UBAP2L: variants seen among roughly 807,000 people sequenced by gnomAD.
UBAP2L encodes ubiquitin associated protein 2 like, also known as ubiquitin-associated protein 2-like.
A neutral mutation model predicts 130.6 loss-of-function variants in UBAP2L; 12 were observed. The observed-to-expected ratio is 0.09, with a 90% CI of 0.06 to 0.15. The LOEUF is 0.15. Ranked by LOEUF, UBAP2L falls within the 10% of genes least tolerant of loss-of-function variation. The pLI is 1.00. For missense variants in UBAP2L, 965 were observed against 1,332.5 expected, an observed-to-expected ratio of 0.72 and a Z score of 4.29; for synonymous variants, 503 against 524.7, an observed-to-expected ratio of 0.96 and a Z score of 0.57.
At chr1:154,253,383 A>ATTTTT (rs1173992099) in intron 14 of UBAP2L, among the ~76,000 whole-genome samples, 1 of 123,778 alleles carries the variant, frequency 8.1e-6, no homozygotes, top group Non-Finnish European at 1.7e-5. Context: ...TGTTTTTAAG[A>ATTTTT]TTTTTTTTTT....
At chr1:154,223,113 A>T (rs978411279) in intron 1 of UBAP2L, among the ~76,000 whole-genome samples, 1 of 90,950 alleles carries the variant, frequency 1.1e-5, no homozygotes, top group Non-Finnish European at 2.0e-5. Context: ...TGTTGTCACT[A>T]CTAGGTGGTA....
intron 26 of UBAP2L, chr1:154,269,729 G>T: frequency 3.4e-6 from 1 of 293,762 alleles, no homozygotes; most frequent in Non-Finnish European, 6.7e-6. Flanking sequence ...GATGTGATGT[G>T]TGGTAGGGGT....
Position 154,257,188 on chromosome 1 carries a change from C to G in UBAP2L, c.2283C>G (p.Ser761Arg). Residue 761 changes from serine (S) to arginine (R), a missense_variant, in exon 19 of 27, where the codon AGC (serine) becomes AGG (arginine). Physicochemically the swap from Ser to Arg is moderately radical, Grantham distance 110. Transcript: ENST00000428931. ...SVSSSLNSGS[S>R]LGLSLGSNST... Reference sequence around the variant, plus strand: ...CCTCCAGTCTCAATAGTGGCAGTAGCCTGGGCCTCAGCCTAGGCAGCAACT... The same window carrying G: ...CCTCCAGTCTCAATAGTGGCAGTAGGCTGGGCCTCAGCCTAGGCAGCAACT... 6.2e-7 allele frequency: 1 copy of G among 1,614,218 alleles called. No homozygotes were observed. The highest frequency in any genetic ancestry group is 2.2e-5 in the East Asian group (1 of 44,884).
intron 2 of UBAP2L, among the ~76,000 whole-genome samples, chr1:154,226,743 C>G (rs564009643): frequency 6.6e-6 from 1 of 152,284 alleles, no homozygotes; most frequent in African/African-American, 2.4e-5. Flanking sequence ...GACGGAAGTC[C>G]CTTTAACTGT....
intron 1 of UBAP2L, among the ~76,000 whole-genome samples, chr1:154,223,765 C>T (rs57011078): frequency 0.043 from 6,505 of 152,226 alleles, 505 homozygotes; most frequent in African/African-American, 0.15. Context: ...CAGAAAAAGT[C>T]AGCTTTCTCT....
intron 26 of UBAP2L, 63 bp from the exon 27 acceptor site, chr1:154,270,137 T>C (rs536472338): frequency 6.6e-7 from 1 of 1,512,090 alleles, no homozygotes; most frequent in South Asian, 1.4e-5. Flanking sequence ...CTGAAGATGT[T>C]ACAAATTTGT....
chr1:154,234,165 C>A (rs539126786), intron 4 of UBAP2L, among the ~76,000 whole-genome samples: 3 of 152,026 alleles, frequency 2.0e-5, no homozygotes, highest in Admixed American at 6.6e-5. Flanking sequence ...GTTTGAGAGA[C>A]CAGCCTGGCC....
intron 8 of UBAP2L, among the ~76,000 whole-genome samples, chr1:154,240,336 A>C (rs866913198): frequency 5.9e-5 from 9 of 152,066 alleles, no homozygotes; most frequent in Admixed American, 1.3e-4. Flanking sequence ...ATATATGTAT[A>C]CATGAAGCAC....
chr1:154,243,091 C>T, intron 9 of UBAP2L, 126 bp from the exon 10 acceptor site: 1 of 707,282 alleles, frequency 1.4e-6, no homozygotes, highest in East Asian at 2.6e-5. Context: ...CAGGATTCCT[C>T]AGGGTAGATA....
chr1:154,251,777 G>T lies in UBAP2L; in HGVS notation c.1664+124G>T. 4 of 1,081,590 alleles carry T rather than the reference G, an allele frequency of 3.7e-6. No homozygotes were observed. In the South Asian group the frequency reaches 4.8e-5, roughly 13 times the overall value. 67.0% of individuals were successfully genotyped at this position (1,081,590 alleles called of 1,614,324 possible). A position where few individuals can be genotyped will look rare whatever the true frequency, so the allele number is the denominator to read the frequency against. On this transcript the variant is annotated intron_variant, in intron 14 of 26. Coordinates refer to ENST00000428931, the MANE Select transcript of UBAP2L (RefSeq NM_014847.4). ...GCATGGCTGAGGGGGAAAGTAGTCA[G>T]TCATAGCATTTTTAGTGCTTTAAAA... is the stretch of plus-strand genomic sequence containing the variant.
chr1:154,269,241 C>A, intron 26 of UBAP2L: 1 of 1,050,330 alleles, frequency 9.5e-7, no homozygotes, highest in Admixed American at 2.1e-5. Flanking sequence ...TGGGTCACAC[C>A]TTCCCTCTTT....
chr1:154,266,627 G>A, intron 25 of UBAP2L, 59 bp downstream of exon 25: 4 of 1,554,458 alleles, frequency 2.6e-6, no homozygotes, highest in Non-Finnish European at 3.6e-6. Context: ...AGGTGGAGTT[G>A]CAATGGTAGA....
chr1:154,259,054 G>A, intron 21 of UBAP2L, 24 bp downstream of exon 21: 1 of 1,604,378 alleles, frequency 6.2e-7, no homozygotes, highest in Non-Finnish European at 8.5e-7. Flanking sequence ...ATAGAGCTTT[G>A]GAAAAGAAAG....
At chr1:154,250,847 C>CAAAAAA (rs1023678670) in intron 12 of UBAP2L, among the ~76,000 whole-genome samples, 194 bp from the exon 13 acceptor site, 1 of 48,964 alleles carries the variant, frequency 2.0e-5, no homozygotes, top group African/African-American at 7.0e-5. Context: ...ACTCCCATCT[C>CAAAAAA]AAAAAAAAAA....
rs773472735 is a variant in UBAP2L, at chr1:154,261,141, T to C, written c.2796+32T>C. 1.7e-5 allele frequency: 28 copies of C among 1,601,374 alleles called. No individual in the cohort carries two copies. In the South Asian group the frequency reaches 3.0e-4, roughly 17 times the overall value. ...ACCTGGCTTTGGTCACTCCTTGTGG[T>C]GAAGGATCCTAGCCCTGGACACTAT... On this transcript the variant is annotated intron_variant, in intron 23 of 26. Transcript: ENST00000428931.
rs1304247167 is a variant in UBAP2L at position 154,260,051 on chromosome 1, A to G, written c.2578+22A>G. The G allele has an allele frequency of 1.9e-6, 3 of 1,610,074 alleles. No homozygotes were observed. In the African/African-American group the frequency reaches 4.0e-5, roughly 22 times the overall value. On this transcript the variant is annotated intron_variant, in intron 22 of 26. Coordinates refer to ENST00000428931, the MANE Select transcript of UBAP2L (RefSeq NM_014847.4). The stretch of plus-strand genomic sequence containing the variant: ...TCTGGTAGGATTGGGATGGGACTAA[A>G]TAAATAAAAAGGGAGATAGTGTTGG...
At chr1:154,220,398 C>A, upstream of UBAP2L, 2 of 1,614,224 alleles carry the variant, frequency 1.2e-6, no homozygotes, top group Non-Finnish European at 1.7e-6. Context: ...CAGTTACTGC[C>A]GGACGCCATG....
At chr1:154,270,161 C>T in intron 26 of UBAP2L, 39 bp from the exon 27 acceptor site, 1 of 1,540,380 alleles carries the variant, frequency 6.5e-7, no homozygotes, top group Non-Finnish European at 8.7e-7. Flanking sequence ...ACTAACTAGA[C>T]ACCTTTTTCC....
chr1:154,258,815 C>G (rs768443401), intron 20 of UBAP2L, 162 bp from the exon 21 acceptor site: 2 of 583,856 alleles, frequency 3.4e-6, no homozygotes, highest in Non-Finnish European at 6.1e-6. Context: ...TCTCTGTGTA[C>G]TTTACTGCTT....
Sources: gnomAD v4.1 joint callset for allele counts (sites outside exome capture counted in the v4.1 genomes callset) on GRCh38, gnomAD v4.1.1 for gene constraint, MANE v1.5 for transcripts, NCBI Gene and HGNC (gene_info 2026-07-23, HGNC 2026-07-21) for gene names.